Variants in ANGPT2 observed in about 807,000 individuals in gnomAD.
ANGPT2 encodes angiopoietin-2.
Under a neutral mutation model 62.9 loss-of-function variants are expected in ANGPT2, and 28 were observed. The ratio of observed to expected loss-of-function variants is 0.44; its 90% CI spans 0.33 to 0.61. The LOEUF is 0.61. Ranked by LOEUF, ANGPT2 falls within the 20% of genes least tolerant of loss-of-function variation. The pLI is 0.03. For synonymous variants in ANGPT2, 284 were observed against 207.8 expected (o/e 1.37, Z -3.15); for missense variants, 727 against 594.9 (o/e 1.22, Z -2.31).
At chr8:6,532,525 A>C (rs2129571850) in intron 1 of ANGPT2, 38 bp from the exon 2 acceptor site, 1 of 1,509,908 alleles carries the variant, frequency 6.6e-7, no homozygotes, top group Non-Finnish European at 8.9e-7. Context: ...TCATTAGTCA[A>C]ATGACCGGAA....
At position 6,501,692 on chromosome 8, in the gene ANGPT2, A is replaced by C. The variant is rs1586150840; in HGVS notation, c.*1409T>G. 1 of 150,830 alleles carries C rather than the reference A, an allele frequency of 6.6e-6. No individual in the cohort carries two copies. Among genetic ancestry groups the C allele is most frequent in the Admixed American group, 6.6e-5 (1 of 15,050 alleles). The allele number at this position is 150,830 out of a possible 1,614,324, so 9.3% of individuals were successfully genotyped here. A position where few individuals can be genotyped will look rare whatever the true frequency, so the allele number is the denominator to read the frequency against. On this transcript the variant is annotated 3_prime_UTR_variant, in exon 9 of 9. Coordinates refer to ENST00000629816, the MANE Select transcript of ANGPT2 (RefSeq NM_001118887.2). ...TGCCTCAGCCTCCCGAGTAGCTGGG[A>C]TTACAGGTGCCCGCCAGCACGCCTG... is the stretch of plus-strand genomic sequence containing the variant.
intron 2 of ANGPT2, among the ~76,000 whole-genome samples, chr8:6,528,062 A>AT (rs71535978): frequency 0.37 from 56,782 of 151,612 alleles, 10,789 homozygotes; most frequent in Middle Eastern, 0.48. Flanking sequence ...TACCCAGCTA[A>AT]TTTTTTATAT....
chr8:6,522,008 T>C (rs527578384), intron 3 of ANGPT2, among the ~76,000 whole-genome samples: 37 of 152,276 alleles, frequency 2.4e-4, no homozygotes, highest in African/African-American at 8.9e-4. Context: ...ACCTGTTAAT[T>C]AGGATACTAT....
At chr8:6,523,034 G>A (rs1817660399) in intron 3 of ANGPT2, among the ~76,000 whole-genome samples, 1 of 150,740 alleles carries the variant, frequency 6.6e-6, no homozygotes, top group Admixed American at 6.6e-5. Context: ...GTCTCGCTCT[G>A]TCACCCAGAC....
intron 3 of ANGPT2, among the ~76,000 whole-genome samples, chr8:6,526,989 C>T (rs1385014906): frequency 6.6e-6 from 1 of 152,090 alleles, no homozygotes; most frequent in Non-Finnish European, 1.5e-5. Context: ...GAAGAGGAAA[C>T]ATTGGATCAT....
chr8:6,520,760 A>C (rs1050723879), intron 4 of ANGPT2, among the ~76,000 whole-genome samples: 5 of 152,218 alleles, frequency 3.3e-5, no homozygotes, highest in Non-Finnish European at 7.4e-5. Context: ...AAATGTGCTT[A>C]AGAACCTGGC....
rs561857971 is a variant in ANGPT2 at position 6,540,872 on chromosome 8, C to T, written c.289-8385G>A. ...ACGTGGACTCAGGCGGCCACCGCCG[C>T]GCTGGCTGGTAAGAAGCCCCACAGG... On this transcript the variant is annotated intron_variant, in intron 1 of 8. Transcript: ENST00000629816. Among the ~76,000 whole-genome samples the T allele has an allele frequency of 1.3e-3, 203 of 152,372 alleles. 1 individual carries two copies. The highest frequency in any genetic ancestry group is 4.7e-3 in the African/African-American group (194 of 41,596).
chr8:6,521,062 A>G (rs1817242394), intron 4 of ANGPT2, 116 bp downstream of exon 4: 2 of 695,508 alleles, frequency 2.9e-6, no homozygotes, highest in Non-Finnish European at 4.7e-6. Flanking sequence ...TAGATATTTC[A>G]TATGAAATAT....
chr8:6,517,286 G>T (rs1020366463), intron 5 of ANGPT2, among the ~76,000 whole-genome samples: 1 of 152,166 alleles, frequency 6.6e-6, no homozygotes, highest in African/African-American at 2.4e-5. Flanking sequence ...TATAAAGCTT[G>T]ATGTTTTTCA....
intron 1 of ANGPT2, among the ~76,000 whole-genome samples, chr8:6,540,838 G>A (rs1821419003): frequency 6.6e-6 from 1 of 152,252 alleles, no homozygotes; most frequent in South Asian, 2.1e-4. Flanking sequence ...GCCGCAGGGT[G>A]GTTCGCACAC....
intron 8 of ANGPT2, chr8:6,508,068 G>C (rs1442418208): frequency 6.6e-6 from 1 of 152,120 alleles, no homozygotes; most frequent in African/African-American, 2.4e-5. Context: ...AGTAGAAGAT[G>C]ACTCATTTTA....
intron 1 of ANGPT2, among the ~76,000 whole-genome samples, chr8:6,541,445 A>G (rs1821555196): frequency 6.6e-6 from 1 of 152,096 alleles, no homozygotes; most frequent in South Asian, 2.1e-4. Flanking sequence ...GAGAAAGACA[A>G]TATTTCTAGT....
At chr8:6,505,452 TA>T (rs1813340081) in intron 8 of ANGPT2, among the ~76,000 whole-genome samples, 1 of 74,332 alleles carries the variant, frequency 1.3e-5, no homozygotes, top group Non-Finnish European at 2.8e-5. Context: ...TATATACATA[TA>T]GAATATATAT....
chr8:6,503,022 G>T lies in ANGPT2; in HGVS notation c.*79C>A. ...CCTCTGTGGTGGAAGAGGACACAGT[G>T]CGCAGCCGTGACTTTCAGTGCACTG... On this transcript the variant is annotated 3_prime_UTR_variant, in exon 9 of 9. Coordinates refer to ENST00000629816, the MANE Select transcript of ANGPT2 (RefSeq NM_001118887.2). The T allele has an allele frequency of 6.5e-7, 1 of 1,542,652 alleles. No individual in the cohort carries two copies. The highest frequency in any genetic ancestry group is 1.2e-5 in the South Asian group (1 of 82,934).
At chr8:6,531,586 C>G (rs1188932999) in intron 2 of ANGPT2, among the ~76,000 whole-genome samples, 1 of 152,210 alleles carries the variant, frequency 6.6e-6, no homozygotes, top group Non-Finnish European at 1.5e-5. Context: ...GCTACTGCGC[C>G]TGGCCACTAG....
At chr8:6,532,574 TA>T (rs10662997) in intron 1 of ANGPT2, 87 bp from the exon 2 acceptor site, 89,635 of 581,014 alleles carry the variant, frequency 0.15, 3 homozygotes, top group East Asian at 0.27. Context: ...TCCCTATCTT[TA>T]AAAAAAAAAA....
chr8:6,505,220 T>A, intron 8 of ANGPT2, among the ~76,000 whole-genome samples: 1 of 83,570 alleles, frequency 1.2e-5, no homozygotes, highest in Non-Finnish European at 2.2e-5. Context: ...TATATATATA[T>A]ATTCTTATGT....
intron 5 of ANGPT2, among the ~76,000 whole-genome samples, chr8:6,518,167 G>C (rs3020220): frequency 4.1e-4 from 63 of 152,266 alleles, no homozygotes; most frequent in African/African-American, 1.5e-3. Flanking sequence ...GGGGCTGCAT[G>C]GTTAGCGGCT....
intron 1 of ANGPT2, among the ~76,000 whole-genome samples, chr8:6,559,250 C>CACACACAG (rs1315358994): frequency 6.6e-6 from 1 of 151,872 alleles, no homozygotes; most frequent in Non-Finnish European, 1.5e-5. Flanking sequence ...CACACACACA[C>CACACACAG]ACACACACAC....
Sources: gnomAD v4.1 joint callset for allele counts (sites outside exome capture counted in the v4.1 genomes callset) on GRCh38, gnomAD v4.1.1 for gene constraint, MANE v1.5 for transcripts, NCBI Gene and HGNC (gene_info 2026-07-23, HGNC 2026-07-21) for gene names.